NRDC: variants seen among roughly 807,000 people sequenced by gnomAD.
The protein encoded by NRDC is nardilysin convertase, also known as nardilysin.
A neutral mutation model predicts 147.1 loss-of-function variants in NRDC; 54 were observed. That is an observed-to-expected ratio of 0.37 (90% confidence interval 0.29 to 0.46). NRDC has a LOEUF of 0.46. Among genes scored for constraint, NRDC ranks in the 20% least tolerant of loss-of-function variants. The probability of loss-of-function intolerance (pLI) is 1.00; values close to 1 mark genes in which losing one functional copy is unlikely to be tolerated. For synonymous variants in NRDC, 440 were observed against 482.1 expected, an observed-to-expected ratio of 0.91 and a Z score of 1.14; for missense variants, 1,082 against 1,370.6, an observed-to-expected ratio of 0.79 and a Z score of 3.33.
intron 2 of NRDC, among the ~76,000 whole-genome samples, chr1:51,838,626 A>G (rs1315464278): frequency 6.6e-6 from 1 of 152,202 alleles, no homozygotes; most frequent in Non-Finnish European, 1.5e-5. Flanking sequence ...TTCTTGTTTT[A>G]AAACTGAGAA....
At chr1:51,872,788 A>T (rs1418265465) in intron 1 of NRDC, among the ~76,000 whole-genome samples, 1 of 152,242 alleles carries the variant, frequency 6.6e-6, no homozygotes, top group African/African-American at 2.4e-5. Flanking sequence ...ACTAGTATTC[A>T]TAAGATTTAA....
intron 28 of NRDC, 68 bp from the exon 29 acceptor site, chr1:51,790,717 C>T (rs974606562): frequency 3.4e-6 from 4 of 1,163,500 alleles, no homozygotes; most frequent in Non-Finnish European, 5.2e-6. Flanking sequence ...CACACTGGGC[C>T]CTGTCCAGCC....
chr1:51,806,913 G>A lies in NRDC; in HGVS notation c.1991C>T (p.Ala664Val). Reference protein sequence around the residue: ...LHLPAENKYIATDFTLKAFDC... With the variant: ...LHLPAENKYIVTDFTLKAFDC... ...GAAAGCCTTCAACGTAAAGTCCGTG[G>A]CTAATAAAAGAAGATAATAATAATT... Residue 664 changes from alanine to valine, a missense_variant and splice_region_variant, in exon 18 of 31, where the codon GCC becomes GTC. By Grantham distance (64) the Ala-to-Val change is moderately conservative. Transcript: ENST00000352171. 6.2e-7 allele frequency: 1 copy of A among 1,612,034 alleles called. No individual in the cohort carries two copies. The highest frequency in any genetic ancestry group is 1.1e-5 in the South Asian group (1 of 90,632).
At chr1:51,806,660 T>C (rs1679477627) in intron 18 of NRDC, 134 bp downstream of exon 18, 3 of 808,100 alleles carry the variant, frequency 3.7e-6, no homozygotes, top group Non-Finnish European at 5.9e-6. Context: ...TCAAGGTGGC[T>C]GATAGAGGCA....
At chr1:51,822,463 C>A (rs1680253182) in intron 7 of NRDC, among the ~76,000 whole-genome samples, 1 of 152,152 alleles carries the variant, frequency 6.6e-6, no homozygotes, top group Admixed American at 6.6e-5. Flanking sequence ...ATCACCTGAG[C>A]CCAGGCATTT....
chr1:51,838,506 A>G (rs527634016), intron 2 of NRDC, among the ~76,000 whole-genome samples: 2 of 152,344 alleles, frequency 1.3e-5, no homozygotes, highest in Admixed American at 1.3e-4. Context: ...GGGAAAAGCT[A>G]CTTACAGATA....
rs1236468767 is a variant in NRDC at position 51,789,420 on chromosome 1, C to G, written c.3272G>C (p.Gly1091Ala). The stretch of plus-strand genomic sequence containing the variant: ...ACCATCCTCTTCCAGTTCATACTTC[C>G]CATATCCAACAACCTGAAAGAGGAC... ...KMLSVHVVGYGKYELEEDGTP... is the reference protein window; with the variant it reads ...KMLSVHVVGYAKYELEEDGTP... The change falls in exon 31 of 31, where the codon GGG becomes GCG. Residue 1091 changes from glycine (G) to alanine (A), a missense_variant. This residue lies in a region of NRDC where 187 missense variants were observed against 193.6 expected (regional missense o/e 0.97). Coordinates refer to ENST00000352171, the MANE Select transcript of NRDC (RefSeq NM_001101662.2). 4 of 1,614,000 alleles carry G rather than the reference C, an allele frequency of 2.5e-6. No individual in the cohort carries two copies. The highest frequency in any genetic ancestry group is 1.7e-6 in the Non-Finnish European group (2 of 1,179,946).
intron 20 of NRDC, among the ~76,000 whole-genome samples, chr1:51,801,568 G>T (rs964684077): frequency 6.6e-6 from 1 of 151,900 alleles, no homozygotes; most frequent in African/African-American, 2.4e-5. Flanking sequence ...AATTTTAGTG[G>T]TATATGAGGT....
Position 51,814,543 on chromosome 1 carries a change from T to C in NRDC, c.1619+8A>G, listed in dbSNP as rs1490728464. ...GCTCCTGGCCTCATTCCAGGAAGTGTTTATTACCTTTTTTCTGGGCCTAGC... is the reference window on the plus strand; with the variant it reads ...GCTCCTGGCCTCATTCCAGGAAGTGCTTATTACCTTTTTTCTGGGCCTAGC... On this transcript the variant is annotated splice_region_variant and intron_variant, in intron 13 of 30. Coordinates refer to ENST00000352171, the MANE Select transcript of NRDC (RefSeq NM_001101662.2). 1 of 1,613,160 alleles carries C rather than the reference T, an allele frequency of 6.2e-7. No individual in the cohort carries two copies. The highest frequency in any genetic ancestry group is 1.7e-5 in the Admixed American group (1 of 59,970).
Position 51,794,454 on chromosome 1 carries a change from T to TTAGTACACCCAACTGACCTGG in NRDC, c.2772_2775+17dup, listed in dbSNP as rs761288691. 3 of 1,613,012 alleles carry TTAGTACACCCAACTGACCTGG rather than the reference T, an allele frequency of 1.9e-6. No individual in the cohort carries two copies. In the East Asian group the frequency reaches 6.7e-5, roughly 36 times the overall value. Reference sequence around the variant, plus strand: ...CAGGCACTGGGCCTTCCGCCAGTCTTTAGTACACCCAACTGACCTGGTAGT... The same window carrying TTAGTACACCCAACTGACCTGG: ...CAGGCACTGGGCCTTCCGCCAGTCTTTAGTACACCCAACTGACCTGGTAGTACACCCAACTGACCTGGTAGT... On this transcript the variant is annotated intron_variant, in intron 24 of 30. Transcript: ENST00000352171.
intron 3 of NRDC, among the ~76,000 whole-genome samples, 162 bp downstream of exon 3, chr1:51,835,969 T>C (rs1680951596): frequency 1.3e-5 from 2 of 152,354 alleles, no homozygotes; most frequent in Non-Finnish European, 1.5e-5. Flanking sequence ...ACTCAGATTG[T>C]TTCCCCCACG....
intron 29 of NRDC, chr1:51,789,936 A>T (rs1212413010): frequency 2.4e-6 from 1 of 410,298 alleles, no homozygotes; most frequent in African/African-American, 2.0e-5. Flanking sequence ...ACATCCCCTT[A>T]GTGTCACCTC....
At chr1:51,849,505 C>CA (rs1203363440) in intron 1 of NRDC, among the ~76,000 whole-genome samples, 7 of 151,706 alleles carry the variant, frequency 4.6e-5, no homozygotes, top group African/African-American at 7.3e-5. Flanking sequence ...CCAAAACACA[C>CA]AAAAATGCCA....
rs201563846 is a variant in NRDC, at chr1:51,789,670, G to A, written c.3169-13C>T. ...TCAGTGCTTCAATCTTACAAGGGAA[G>A]GGAAGATAGGAAAGAAATTCAAGAA... On this transcript the variant is annotated splice_polypyrimidine_tract_variant and intron_variant, in intron 29 of 30. Coordinates refer to ENST00000352171, the MANE Select transcript of NRDC (RefSeq NM_001101662.2). The A allele has an allele frequency of 1.1e-4, 170 of 1,578,382 alleles. No homozygotes were observed. The highest frequency in any genetic ancestry group is 1.8e-4 in the Admixed American group (11 of 59,952).
At chr1:51,828,227 T>C (rs2149213681) in intron 4 of NRDC, among the ~76,000 whole-genome samples, 1 of 152,340 alleles carries the variant, frequency 6.6e-6, no homozygotes, top group East Asian at 1.9e-4. Context: ...ATTTCTCTCC[T>C]TTTCTTTATA....
intron 15 of NRDC, among the ~76,000 whole-genome samples, chr1:51,811,470 C>A (rs927156268): frequency 6.6e-6 from 1 of 152,158 alleles, no homozygotes; most frequent in Admixed American, 6.5e-5. Flanking sequence ...CTGGTTGACG[C>A]GCGCTAGCCT....
chr1:51,789,734 C>T (rs1678495982), intron 29 of NRDC, 77 bp from the exon 30 acceptor site: 7 of 997,760 alleles, frequency 7.0e-6, no homozygotes, highest in East Asian at 4.8e-5. Flanking sequence ...GGCAGATGTC[C>T]CTGGACCTGC....
intron 2 of NRDC, among the ~76,000 whole-genome samples, chr1:51,838,799 TAA>T (rs1681109206): frequency 6.6e-6 from 1 of 152,156 alleles, no homozygotes; most frequent in African/African-American, 2.4e-5. Flanking sequence ...TATTTTAAGT[TAA>T]AAGTGAATCT....
intron 15 of NRDC, 83 bp downstream of exon 15, chr1:51,811,911 C>A: frequency 1.2e-6 from 1 of 855,912 alleles, no homozygotes; most frequent in South Asian, 1.7e-5. Context: ...TTTCTTCGTT[C>A]CCATGGTTCT....
Sources: gnomAD v4.1 joint callset for allele counts (sites outside exome capture counted in the v4.1 genomes callset) on GRCh38, gnomAD v4.1.1 for gene constraint, gnomAD v4.1.1 regional missense constraint, MANE v1.5 for transcripts, NCBI Gene and HGNC (gene_info 2026-07-23, HGNC 2026-07-21) for gene names.